TTLL5: variants seen among roughly 807,000 people sequenced by gnomAD.
TTLL5 encodes the protein tubulin polyglutamylase TTLL5.
TTLL5 carries 132 observed loss-of-function variants against 168.4 expected under a neutral mutation model. The observed-to-expected ratio is 0.78, with a 90% confidence interval of 0.68 to 0.91. The LOEUF (loss-of-function observed/expected upper bound fraction) is 0.91, where lower values mean the gene tolerates loss of function less well. Among genes scored for constraint, TTLL5 ranks in the 40% least tolerant of loss-of-function variants. The probability of loss-of-function intolerance (pLI) is 0.00; values close to 1 mark genes in which losing one functional copy is unlikely to be tolerated. For synonymous variants in TTLL5, 546 were observed against 558.6 expected (o/e 0.98, Z 0.32); for missense variants, 1,545 against 1,581.5 (o/e 0.98, Z 0.39).
chr14:75,663,233 A>G lies in TTLL5; in HGVS notation c.74+10A>G. ...AGGTCATAAGTCAAGAGTAAGTAATAGCAAGCCTGCTTTCAACCTGTGCTT... is the reference window on the plus strand; with the variant it reads ...AGGTCATAAGTCAAGAGTAAGTAATGGCAAGCCTGCTTTCAACCTGTGCTT... On this transcript the variant is annotated intron_variant, in intron 2 of 31. Coordinates refer to ENST00000298832, the MANE Select transcript of TTLL5 (RefSeq NM_015072.5). 3 of 1,608,886 alleles carry G rather than the reference A, an allele frequency of 1.9e-6. No homozygotes were observed. The highest frequency in any genetic ancestry group is 1.1e-5 in the South Asian group (1 of 89,672).
chr14:75,687,801 A>G (rs1885177879), intron 5 of TTLL5, among the ~76,000 whole-genome samples: 1 of 152,230 alleles, frequency 6.6e-6, no homozygotes, highest in Non-Finnish European at 1.5e-5. Context: ...CAAAGAAGAT[A>G]CAGGGATGGC....
In TTLL5 at chr14:75,699,249, G is replaced by A. The variant is rs139084674; in HGVS notation, c.564G>A (p.Arg188=). The A allele has an allele frequency of 1.8e-4, 284 of 1,613,934 alleles. No individual in the cohort carries two copies. The highest frequency in any genetic ancestry group is 9.4e-4 in the East Asian group (42 of 44,860). The change falls in exon 7 of 32, where the codon CGG becomes CGA. Residue 188 remains arginine (R), a synonymous_variant. Coordinates refer to ENST00000298832, the MANE Select transcript of TTLL5 (RefSeq NM_015072.5). The stretch of plus-strand genomic sequence containing the variant: ...AACCAGTGGCATCTTCAAGGGGGCG[G>A]GGCGTCTACCTGATCAACAATGTAA... ...IVKPVASSRG[R]GVYLINNPNQ...
chr14:75,943,749 A>G (rs1340453286), intron 31 of TTLL5, among the ~76,000 whole-genome samples: 1 of 152,222 alleles, frequency 6.6e-6, no homozygotes, highest in Non-Finnish European at 1.5e-5. Context: ...GTGTTAGACT[A>G]AGATAATTGA....
intron 17 of TTLL5, among the ~76,000 whole-genome samples, chr14:75,747,767 A>G (rs1032426375): frequency 1.3e-5 from 2 of 152,106 alleles, no homozygotes; most frequent in African/African-American, 4.8e-5. Context: ...GAGCTCTGGG[A>G]ATTATTCAGC....
At chr14:75,765,369 A>G (rs1451161183) in intron 19 of TTLL5, among the ~76,000 whole-genome samples, 1 of 152,218 alleles carries the variant, frequency 6.6e-6, no homozygotes, top group Non-Finnish European at 1.5e-5. Flanking sequence ...GAATAAACAT[A>G]GGATAGAAAG....
intron 3 of TTLL5, among the ~76,000 whole-genome samples, chr14:75,674,018 C>T (rs1379642348): frequency 1.3e-5 from 2 of 152,166 alleles, no homozygotes; most frequent in South Asian, 2.1e-4. Flanking sequence ...ATAAAGTAAT[C>T]GATGTATTCT....
At chr14:75,818,189 T>C (rs1351501596) in intron 27 of TTLL5, among the ~76,000 whole-genome samples, 1 of 152,148 alleles carries the variant, frequency 6.6e-6, no homozygotes, top group Non-Finnish European at 1.5e-5. Flanking sequence ...TAAATACATC[T>C]GTATTTGCCA....
chr14:75,840,735 A>G (rs1350880575), intron 28 of TTLL5, among the ~76,000 whole-genome samples: 6 of 152,106 alleles, frequency 3.9e-5, no homozygotes, highest in African/African-American at 1.4e-4. Context: ...TCCCACTGCT[A>G]CCCAACCTTA....
intron 28 of TTLL5, among the ~76,000 whole-genome samples, chr14:75,822,495 T>A (rs1353236163): frequency 2.6e-5 from 4 of 152,208 alleles, no homozygotes; most frequent in African/African-American, 4.8e-5. Context: ...GTTCTGATAA[T>A]TCACTAAACT....
chr14:75,925,255 G>C (rs948823311), intron 31 of TTLL5, among the ~76,000 whole-genome samples: 1 of 151,394 alleles, frequency 6.6e-6, no homozygotes, highest in African/African-American at 2.4e-5. Context: ...CTCCCTCCCG[G>C]ACGGGGTGGC....
intron 27 of TTLL5, among the ~76,000 whole-genome samples, chr14:75,802,282 C>T (rs1409916678): frequency 6.6e-6 from 1 of 152,036 alleles, no homozygotes; most frequent in Admixed American, 6.6e-5. Flanking sequence ...TATTTTCATT[C>T]ACTCTTGGTA....
At chr14:75,863,934 A>AAAAAAAAAAAAT in intron 29 of TTLL5, 72 bp downstream of exon 29, 1 of 1,266,296 alleles carries the variant, frequency 7.9e-7, no homozygotes, top group Non-Finnish European at 1.0e-6. Flanking sequence ...AAAAAAAAAA[A>AAAAAAAAAAAAT]GGTCAGTGAA....
At chr14:75,836,074 AAGAGAT>A (rs1895850451) in intron 28 of TTLL5, among the ~76,000 whole-genome samples, 1 of 152,204 alleles carries the variant, frequency 6.6e-6, no homozygotes, top group African/African-American at 2.4e-5. Context: ...CAGTATATTG[AAGAGAT>A]ATGTGCACTC....
chr14:75,817,599 A>T (rs1328838333), intron 27 of TTLL5, among the ~76,000 whole-genome samples: 1 of 152,166 alleles, frequency 6.6e-6, no homozygotes, highest in Non-Finnish European at 1.5e-5. Context: ...AGGGAAAAAA[A>T]ATCATAATTC....
At chr14:75,688,278 A>G (rs1009867224) in intron 5 of TTLL5, among the ~76,000 whole-genome samples, 13 of 152,122 alleles carry the variant, frequency 8.5e-5, no homozygotes, top group South Asian at 2.1e-4. Flanking sequence ...TGTCCAATCA[A>G]TTATGCCTGT....
At chr14:75,889,824 T>C (rs1398786643) in intron 30 of TTLL5, among the ~76,000 whole-genome samples, 5 of 47,292 alleles carry the variant, frequency 1.1e-4, no homozygotes, top group African/African-American at 3.9e-4. Context: ...AGCGAGACTC[T>C]TAAAAAAAAA....
intron 31 of TTLL5, among the ~76,000 whole-genome samples, chr14:75,912,672 C>T (rs1265925894): frequency 6.6e-6 from 1 of 152,066 alleles, no homozygotes; most frequent in Non-Finnish European, 1.5e-5. Flanking sequence ...AAGAAATACT[C>T]CAGGGAAAGT....
chr14:75,668,703 T>C (rs1594839540), intron 2 of TTLL5, among the ~76,000 whole-genome samples: 1 of 152,328 alleles, frequency 6.6e-6, no homozygotes, highest in East Asian at 1.9e-4. Flanking sequence ...GGGATACTTG[T>C]ATTAATTTAG....
chr14:75,871,395 A>T (rs1373049851), intron 29 of TTLL5, among the ~76,000 whole-genome samples: 1 of 152,106 alleles, frequency 6.6e-6, no homozygotes, highest in African/African-American at 2.4e-5. Context: ...TGTGGAGATA[A>T]TATTTTTACC....
Sources: gnomAD v4.1 joint callset for allele counts (sites outside exome capture counted in the v4.1 genomes callset) on GRCh38, gnomAD v4.1.1 for gene constraint, MANE v1.5 for transcripts, NCBI Gene and HGNC (gene_info 2026-07-23, HGNC 2026-07-21) for gene names.